The following DST variants were observed in gnomAD, a reference collection of about 807,000 sequenced individuals.
DST encodes the protein bullous pemphigoid antigen.
Under a neutral mutation model 875.2 loss-of-function variants are expected in DST, and 253 were observed. The ratio of observed to expected loss-of-function variants is 0.29; its 90% CI spans 0.26 to 0.32. The LOEUF (loss-of-function observed/expected upper bound fraction) is 0.32. Among genes scored for constraint, DST ranks in the 10% least tolerant of loss-of-function variants. The pLI, the probability that DST is intolerant of heterozygous loss-of-function variation, is 1.00. For synonymous variants in DST, 3,124 were observed against 3,197.1 expected, an observed-to-expected ratio of 0.98 and a Z score of 0.77; for missense variants, 8,287 against 9,111.6, an observed-to-expected ratio of 0.91 and a Z score of 3.68.
At chr6:56,729,594 C>G (rs1589293958) in intron 5 of DST, among the ~76,000 whole-genome samples, 1 of 119,836 alleles carries the variant, frequency 8.3e-6, no homozygotes, top group Non-Finnish European at 1.7e-5. Flanking sequence ...GCGACAAGAG[C>G]AAAACTCCAT....
chr6:56,506,106 T>C (rs2096303113), intron 77 of DST, among the ~76,000 whole-genome samples: 1 of 152,192 alleles, frequency 6.6e-6, no homozygotes, highest in Admixed American at 6.6e-5. Context: ...TTTAGTTCCA[T>C]TTCACTGTCT....
intron 4 of DST, among the ~76,000 whole-genome samples, chr6:56,779,484 T>C (rs1195915555): frequency 1.3e-5 from 2 of 152,144 alleles, no homozygotes; most frequent in African/African-American, 4.8e-5. Context: ...AATGGTATTG[T>C]CTAGGTTTTC....
At position 56,527,555 on chromosome 6, in the gene DST, G is replaced by C; in HGVS notation, c.17860C>G (p.Leu5954Val). The stretch of plus-strand genomic sequence containing the variant: ...TTCAGAACCTGAGTTTCATATGAAA[G>C]TAATTCCACCTCCACTTTGTCCAGC... Reference protein sequence around the residue: ...TWLDKVEVELLSYETQVLKGE... With the variant: ...TWLDKVEVELVSYETQVLKGE... Residue 5954 changes from leucine to valine, a missense_variant, in exon 68 of 104, where the codon CTT (leucine) becomes GTT (valine). Physicochemically the swap from Leu to Val is conservative, Grantham distance 32. Coordinates refer to ENST00000680361, the MANE Select transcript of DST (RefSeq NM_001374736.1). 6.2e-7 allele frequency: 1 copy of C among 1,613,812 alleles called. No homozygotes were observed. The highest frequency in any genetic ancestry group is 8.5e-7 in the Non-Finnish European group (1 of 1,179,846).
chr6:56,482,826 G>A lies in DST; in HGVS notation c.21259C>T (p.Arg7087Cys), dbSNP rs367591205. ...CCTTCTATGAGTTCTCGGGCTGAGC[G>A]CTTCAGGGCCTGCACACTGCTGGTC... Reference protein sequence around the residue: ...KRTSSVQALKRSARELIEGSR... With the variant: ...KRTSSVQALKCSARELIEGSR... Residue 7087 changes from arginine to cysteine, a missense_variant, in exon 89 of 104, where the codon CGC becomes TGC. Arg to Cys is a radical substitution (Grantham distance 180). Transcript: ENST00000680361. 39 of 1,612,250 alleles carry A rather than the reference G, an allele frequency of 2.4e-5. No homozygotes were observed. The highest frequency in any genetic ancestry group is 6.7e-5 in the Admixed American group (4 of 59,896).
intron 2 of DST, among the ~76,000 whole-genome samples, chr6:56,929,416 A>C (rs1203104193): frequency 6.6e-6 from 1 of 152,184 alleles, no homozygotes; most frequent in East Asian, 1.9e-4. Flanking sequence ...GCTCTTCAAG[A>C]TACATTGAGT....
rs2099408014 is a variant in DST at position 56,719,826 on chromosome 6, G to A, written c.687+15402C>T. Among the ~76,000 whole-genome samples, 3 of 152,116 alleles carry A rather than the reference G, an allele frequency of 2.0e-5. No individual in the cohort carries two copies. In the South Asian group the frequency reaches 6.2e-4, roughly 32 times the overall value. On this transcript the variant is annotated intron_variant, in intron 5 of 103. Coordinates refer to ENST00000680361, the MANE Select transcript of DST (RefSeq NM_001374736.1). The stretch of plus-strand genomic sequence containing the variant: ...CCACAAAACCAGCAAGTTTTATTAG[G>A]GACTTTCAAAAGGGGAAGGAGTGTA...
intron 4 of DST, among the ~76,000 whole-genome samples, chr6:56,769,072 T>C (rs1016888769): frequency 1.3e-5 from 2 of 152,120 alleles, no homozygotes; most frequent in Non-Finnish European, 2.9e-5. Flanking sequence ...ATCCAAAATA[T>C]ACAAAGAAAT....
At chr6:56,799,904 C>G (rs2099744766) in intron 4 of DST, among the ~76,000 whole-genome samples, 1 of 152,124 alleles carries the variant, frequency 6.6e-6, no homozygotes, top group Admixed American at 6.5e-5. Flanking sequence ...GGATTACAGG[C>G]ATGAGCCACC....
chr6:56,590,880 C>T (rs1041577273), intron 49 of DST, among the ~76,000 whole-genome samples: 9 of 152,208 alleles, frequency 5.9e-5, no homozygotes, highest in Non-Finnish European at 1.2e-4. Context: ...ACATTTCACC[C>T]GGGTATGACT....
chr6:56,517,414 T>A (rs2096616004), intron 70 of DST, 87 bp downstream of exon 70: 1 of 1,595,642 alleles, frequency 6.3e-7, no homozygotes, highest in Non-Finnish European at 8.5e-7. Flanking sequence ...AGAGGGGTCT[T>A]AAAAAGTAAA....
chr6:56,468,207 A>G (rs1001548833), intron 98 of DST, among the ~76,000 whole-genome samples: 5 of 152,134 alleles, frequency 3.3e-5, no homozygotes, highest in Non-Finnish European at 7.4e-5. Context: ...GTTTAAATCA[A>G]AACAGAGTAT....
intron 3 of DST, among the ~76,000 whole-genome samples, chr6:56,885,938 C>T (rs549840247): frequency 2.0e-5 from 3 of 152,166 alleles, no homozygotes; most frequent in Non-Finnish European, 4.4e-5. Flanking sequence ...TGTAGATTAG[C>T]CAGTGGTATT....
chr6:56,901,915 CAT>C (rs982961908), intron 2 of DST, among the ~76,000 whole-genome samples: 3 of 152,230 alleles, frequency 2.0e-5, no homozygotes, highest in South Asian at 2.1e-4. Context: ...AGAAATCTAA[CAT>C]AGAGTTCATA....
intron 4 of DST, among the ~76,000 whole-genome samples, chr6:56,849,519 C>G (rs559826711): frequency 6.6e-6 from 1 of 152,276 alleles, no homozygotes; most frequent in East Asian, 1.9e-4. Flanking sequence ...ACTCAGTGAA[C>G]ATTTTACAAT....
intron 10 of DST, among the ~76,000 whole-genome samples, chr6:56,669,397 AC>A (rs1223888592): frequency 2.0e-5 from 3 of 151,768 alleles, no homozygotes; most frequent in African/African-American, 7.3e-5. Context: ...GGAGTTCAAG[AC>A]CAGCCTGGCC....
intron 9 of DST, chr6:56,692,885 A>G (rs1563714162): frequency 1.6e-6 from 2 of 1,289,788 alleles, no homozygotes; most frequent in South Asian, 2.5e-5. Flanking sequence ...CCCAGTGCAG[A>G]GTTTAGGGTA....
At chr6:56,918,542 T>C (rs533888829) in intron 2 of DST, among the ~76,000 whole-genome samples, 4 of 152,330 alleles carry the variant, frequency 2.6e-5, no homozygotes, top group African/African-American at 9.6e-5. Flanking sequence ...ATAAACAAAA[T>C]ATCTTCAACT....
chr6:56,618,101 C>T lies in DST; in HGVS notation c.4930-3617G>A, dbSNP rs1387585045. 6.2e-6 allele frequency: 10 copies of T among 1,613,984 alleles called. No individual in the cohort carries two copies. Among genetic ancestry groups the T allele is most frequent in the Non-Finnish European group, 8.5e-6 (10 of 1,180,012 alleles). On this transcript the variant is annotated intron_variant, in intron 36 of 103. Coordinates refer to ENST00000680361, the MANE Select transcript of DST (RefSeq NM_001374736.1). ...TCTTATCTTCTCAATTTCAGACAGT[C>T]TTGTAATGGGGTTTGTCTCATCAAA...
chr6:56,800,874 G>C (rs2099745832), intron 4 of DST, among the ~76,000 whole-genome samples: 1 of 151,752 alleles, frequency 6.6e-6, no homozygotes, highest in South Asian at 2.1e-4. Context: ...CAAAAAATTA[G>C]CCAGGCATGG....
Sources: gnomAD v4.1 joint callset for allele counts (sites outside exome capture counted in the v4.1 genomes callset) on GRCh38, gnomAD v4.1.1 for gene constraint, MANE v1.5 for transcripts, NCBI Gene and HGNC (gene_info 2026-07-23, HGNC 2026-07-21) for gene names.